Variants in ADGRF5 observed in about 807,000 individuals in gnomAD.
ADGRF5 encodes the protein G-protein coupled receptor 116.
Under a neutral mutation model 132.3 loss-of-function variants are expected in ADGRF5, and 75 were observed. The ratio of observed to expected loss-of-function variants is 0.57; its 90% CI spans 0.47 to 0.69. ADGRF5 has a LOEUF of 0.69. Ranked by LOEUF, ADGRF5 falls within the 30% of genes least tolerant of loss-of-function variation. ADGRF5 has a pLI of 0.00. For missense variants in ADGRF5, 1,516 were observed against 1,630.6 expected, an observed-to-expected ratio of 0.93 and a Z score of 1.21; for synonymous variants, 629 against 597.6, an observed-to-expected ratio of 1.05 and a Z score of -0.77.
chr6:46,906,412 T>G (rs1326300130), intron 2 of ADGRF5, among the ~76,000 whole-genome samples: 1 of 152,212 alleles, frequency 6.6e-6, no homozygotes, highest in African/African-American at 2.4e-5. Flanking sequence ...GAAGCTACAT[T>G]GGTGTTCCCT....
intron 1 of ADGRF5, among the ~76,000 whole-genome samples, chr6:46,916,619 GC>G (rs1283794804): frequency 2.0e-5 from 3 of 152,136 alleles, no homozygotes; most frequent in African/African-American, 7.2e-5. Flanking sequence ...TCCTGAATGG[GC>G]CCCTCGCTCC....
In ADGRF5 at chr6:46,904,931, A is replaced by G. The variant is rs375657684; in HGVS notation, c.102+1730T>C. Among the ~76,000 whole-genome samples the G allele has an allele frequency of 8.5e-5, 13 of 152,226 alleles. No homozygotes were observed. The South Asian group carries it at 2.1e-3, about 24-fold the overall frequency. ...TACCAAAGAAAAGTGGGGTCCTTTG[A>G]GGTGAGTTGTAGGAGCTTCCAAGAA... is the stretch of plus-strand genomic sequence containing the variant. On this transcript the variant is annotated intron_variant, in intron 2 of 20. Coordinates refer to ENST00000283296, the MANE Select transcript of ADGRF5 (RefSeq NM_001098518.2).
At chr6:46,953,651 G>GTGTATATATATATATA (rs1373212107) in intron 1 of ADGRF5, among the ~76,000 whole-genome samples, 2 of 42,196 alleles carry the variant, frequency 4.7e-5, no homozygotes, top group African/African-American at 1.4e-4. Flanking sequence ...AGATATATGT[G>GTGTATATATATATATA]TATATATATA....
chr6:46,878,489 AC>A, intron 9 of ADGRF5, 84 bp from the exon 10 acceptor site: 5 of 808,498 alleles, frequency 6.2e-6, no homozygotes, highest in Non-Finnish European at 1.0e-5. Context: ...ATGGATCATG[AC>A]AGTACTTCAT....
At position 46,858,977 on chromosome 6, in the gene ADGRF5, C is replaced by T. The variant is rs1769390821; in HGVS notation, c.2926G>A (p.Glu976Lys). ...GGWDSSGCYV[E>K]EGDGDNVTCI... ...GTGACATTGTCCCCATCACCTTCTTCTACATAGCACCCACTGCTGTCCCAC... is the reference window on the plus strand; with the variant it reads ...GTGACATTGTCCCCATCACCTTCTTTTACATAGCACCCACTGCTGTCCCAC... Residue 976 changes from glutamate to lysine, a missense_variant, in exon 17 of 21, where the codon GAA (glutamate) becomes AAA (lysine). Physicochemically the swap from Glu to Lys is moderately conservative, Grantham distance 56. Coordinates refer to ENST00000283296, the MANE Select transcript of ADGRF5 (RefSeq NM_001098518.2). The T allele has an allele frequency of 6.2e-7, 1 of 1,614,096 alleles. No individual in the cohort carries two copies. The highest frequency in any genetic ancestry group is 1.7e-5 in the Admixed American group (1 of 60,018).
chr6:46,930,425 T>G (rs1488432149), intron 1 of ADGRF5, among the ~76,000 whole-genome samples: 2 of 152,212 alleles, frequency 1.3e-5, no homozygotes, highest in African/African-American at 4.8e-5. Flanking sequence ...CCATTTCCAG[T>G]GAGTTCCATA....
chr6:46,858,085 A>T (rs780659357), intron 17 of ADGRF5, 44 bp downstream of exon 17: 45 of 1,399,704 alleles, frequency 3.2e-5, no homozygotes, highest in Non-Finnish European at 4.3e-5. Context: ...AATTTGTCCT[A>T]CAGGAATAAA....
At chr6:46,854,282 A>G (rs867751143) in intron 20 of ADGRF5, among the ~76,000 whole-genome samples, 7 of 152,164 alleles carry the variant, frequency 4.6e-5, no homozygotes, top group Middle Eastern at 3.2e-3. Flanking sequence ...GTGGCAGCCA[A>G]CAAGCAGTCA....
In ADGRF5 at chr6:46,871,823, A is replaced by G. The variant is rs1771091795; in HGVS notation, c.1411+20T>C. 2 of 1,548,736 alleles carry G rather than the reference A, an allele frequency of 1.3e-6. No homozygotes were observed. Among genetic ancestry groups the G allele is most frequent in the African/African-American group, 1.4e-5 (1 of 73,504 alleles). On this transcript the variant is annotated intron_variant, in intron 11 of 20. Coordinates refer to ENST00000283296, the MANE Select transcript of ADGRF5 (RefSeq NM_001098518.2). ...AGGTGGAACCTATTTATGGCTAAAA[A>G]TGCTAGGGAGAGTCCTTACCCACAG...
At chr6:46,911,408 C>G (rs1053985101) in intron 1 of ADGRF5, among the ~76,000 whole-genome samples, 1 of 152,178 alleles carries the variant, frequency 6.6e-6, no homozygotes, top group African/African-American at 2.4e-5. Context: ...TGGGGAGGGA[C>G]AGGAGTAATT....
chr6:46,941,229 C>T (rs1269199079), intron 1 of ADGRF5, among the ~76,000 whole-genome samples: 4 of 151,742 alleles, frequency 2.6e-5, no homozygotes, highest in Non-Finnish European at 5.9e-5. Context: ...CCTTGTGGGG[C>T]TAAGGTGGGA....
At chr6:46,883,530 G>A (rs1363459499) in intron 6 of ADGRF5, 29 bp downstream of exon 6, 2 of 1,131,854 alleles carry the variant, frequency 1.8e-6, no homozygotes, top group Non-Finnish European at 2.7e-6. Flanking sequence ...CAGTTTGTTA[G>A]TTAAGAGGTT....
In ADGRF5 at chr6:46,859,396, A is replaced by C. The variant is rs1351269117; in HGVS notation, c.2507T>G (p.Leu836Ter). The change falls in exon 17 of 21, where the codon TTA (leucine) becomes TGA (stop). Residue 836 changes from leucine to a stop codon, truncating the protein, a stop_gained. Coordinates refer to ENST00000283296, the MANE Select transcript of ADGRF5 (RefSeq NM_001098518.2). LOFTEE classifies it high-confidence loss of function. ...LHSVERFSQA[L>*]QSGDSPPLSF... ...CAAAGGAGGGCTATCTCCCGACTGTAATGCTTGGGAAAATCTTTCCACTGA... is the reference window on the plus strand; with the variant it reads ...CAAAGGAGGGCTATCTCCCGACTGTCATGCTTGGGAAAATCTTTCCACTGA... 1 of 1,613,500 alleles carries C rather than the reference A, an allele frequency of 6.2e-7. No homozygotes were observed. The highest frequency in any genetic ancestry group is 1.3e-5 in the African/African-American group (1 of 74,894).
At chr6:46,931,319 A>ATC (rs1777546372) in intron 1 of ADGRF5, among the ~76,000 whole-genome samples, 1 of 152,118 alleles carries the variant, frequency 6.6e-6, no homozygotes, top group Admixed American at 6.5e-5. Flanking sequence ...TAAAAAGCCA[A>ATC]ATACCTAGAT....
At chr6:46,948,304 A>G (rs993821844) in intron 1 of ADGRF5, among the ~76,000 whole-genome samples, 1 of 152,200 alleles carries the variant, frequency 6.6e-6, no homozygotes, top group Non-Finnish European at 1.5e-5. Context: ...CTTAAGCAAA[A>G]GTCTAGTTTG....
At chr6:46,901,782 G>T (rs1425133830) in intron 2 of ADGRF5, among the ~76,000 whole-genome samples, 1 of 152,040 alleles carries the variant, frequency 6.6e-6, no homozygotes, top group Non-Finnish European at 1.5e-5. Flanking sequence ...CGTTTCTCTC[G>T]GTGTCTGTAT....
intron 1 of ADGRF5, among the ~76,000 whole-genome samples, chr6:46,917,676 G>A (rs765111278): frequency 6.7e-5 from 10 of 148,246 alleles, no homozygotes; most frequent in Non-Finnish European, 1.0e-4. Flanking sequence ...ACCCTCACCC[G>A]CCCCCCACAG....
At chr6:46,906,463 C>A (rs1008869888) in intron 2 of ADGRF5, among the ~76,000 whole-genome samples, 198 bp downstream of exon 2, 6 of 152,168 alleles carry the variant, frequency 3.9e-5, no homozygotes. Context: ...AGTGGTAGCC[C>A]AGCAAATACA....
chr6:46,910,049 A>G (rs951190610), intron 1 of ADGRF5, among the ~76,000 whole-genome samples: 2 of 151,686 alleles, frequency 1.3e-5, no homozygotes, highest in South Asian at 4.2e-4. Flanking sequence ...AAATAGAGAA[A>G]CAATCAGTGC....
Sources: gnomAD v4.1 joint callset for allele counts (sites outside exome capture counted in the v4.1 genomes callset) on GRCh38, gnomAD v4.1.1 for gene constraint, MANE v1.5 for transcripts, NCBI Gene and HGNC (gene_info 2026-07-23, HGNC 2026-07-21) for gene names.